Variants in WNK3 observed in about 807,000 individuals in gnomAD.
WNK3 encodes WNK lysine deficient protein kinase 3, also known as serine/threonine-protein kinase WNK3.
In WNK3, 18 loss-of-function variants were observed where a neutral mutation model predicts 116.7. The ratio of observed to expected loss-of-function variants is 0.15; its 90% CI spans 0.11 to 0.23. The LOEUF (loss-of-function observed/expected upper bound fraction) is 0.23, where lower values mean the gene tolerates loss of function less well. Among genes scored for constraint, WNK3 ranks in the 10% least tolerant of loss-of-function variants. The probability of loss-of-function intolerance (pLI) is 1.00; values close to 1 mark genes in which losing one functional copy is unlikely to be tolerated. For missense variants in WNK3, 993 were observed against 1,323.8 expected (o/e 0.75, Z 3.88); for synonymous variants, 404 against 469.4 (o/e 0.86, Z 1.80).
At chrX:54,313,573 C>T (rs2068912968) in intron 2 of WNK3, among the ~76,000 whole-genome samples, 1 of 110,207 alleles carries the variant, frequency 9.1e-6, no homozygotes, top group African/African-American at 3.3e-5. Flanking sequence ...TGATCTTGAA[C>T]TCCTGACCTC....
At chrX:54,332,333 G>T (rs2069178991) in intron 2 of WNK3, among the ~76,000 whole-genome samples, 1 of 111,714 alleles carries the variant, frequency 9.0e-6, no homozygotes. Context: ...GGCATCATGA[G>T]CTTCTATCAG....
At chrX:54,355,026 G>GT (rs2069574696) in intron 1 of WNK3, among the ~76,000 whole-genome samples, 1 of 111,346 alleles carries the variant, frequency 9.0e-6, no homozygotes, top group Non-Finnish European at 1.9e-5. Flanking sequence ...GGAGGTTGCA[G>GT]TAAGCCAAGA....
chrX:54,350,820 T>C (rs1313858521), intron 1 of WNK3, among the ~76,000 whole-genome samples: 1 of 111,508 alleles, frequency 9.0e-6, no homozygotes. Context: ...AATATCCATC[T>C]ATAGGAGAAT....
At chrX:54,253,245 G>A (rs2068155117) in intron 13 of WNK3, among the ~76,000 whole-genome samples, 1 of 109,109 alleles carries the variant, frequency 9.2e-6, no homozygotes, top group Non-Finnish European at 1.9e-5. Context: ...TTCAAAGCCT[G>A]TTATAAAAAA....
chrX:54,337,573 T>TAAATAAAC (rs2069257701), intron 1 of WNK3, among the ~76,000 whole-genome samples: 3 of 99,690 alleles, frequency 3.0e-5, no homozygotes, highest in Non-Finnish European at 6.0e-5. Context: ...AATAAATAAA[T>TAAATAAAC]AAATAAATAA....
chrX:54,272,213 C>A (rs1407277136), intron 10 of WNK3, among the ~76,000 whole-genome samples: 1 of 111,964 alleles, frequency 8.9e-6, no homozygotes, highest in Non-Finnish European at 1.9e-5. Flanking sequence ...GAATTAACTA[C>A]TTTATAGAGG....
intron 10 of WNK3, among the ~76,000 whole-genome samples, chrX:54,266,439 A>C (rs2068311442): frequency 8.9e-6 from 1 of 111,732 alleles, no homozygotes; most frequent in Admixed American, 9.6e-5. Context: ...AATAATTAAG[A>C]GTATAATTAG....
chrX:54,281,685 G>A (rs781829792), intron 10 of WNK3, among the ~76,000 whole-genome samples: 2 of 111,362 alleles, frequency 1.8e-5, no homozygotes, highest in South Asian at 7.6e-4. Context: ...GTATCTTTCT[G>A]TATCTGGCTT....
chrX:54,295,616 A>G (rs138690927), intron 7 of WNK3, among the ~76,000 whole-genome samples: 128 of 112,083 alleles, frequency 1.1e-3, no homozygotes, highest in African/African-American at 3.8e-3. Context: ...AGCTGCTGTA[A>G]AAGTCTTAAG....
In WNK3 at chrX:54,316,696, A is replaced by T. The variant is rs140300990; in HGVS notation, c.538-5405T>A. Among the ~76,000 whole-genome samples the T allele has an allele frequency of 4.9e-3, 540 of 110,763 alleles. 2 individuals are homozygous for T. The highest frequency in any genetic ancestry group is 0.017 in the African/African-American group (504 of 30,519). ...ACTTTGAGAAAAGATGCTCAACATC[A>T]TTAGTTGTCAGGGCAATGCAAATCA... On this transcript the variant is annotated intron_variant, in intron 2 of 23. Coordinates refer to ENST00000354646, the Ensembl canonical transcript of WNK3.
At chrX:54,310,760 G>A (rs2068878631) in intron 3 of WNK3, among the ~76,000 whole-genome samples, 1 of 108,338 alleles carries the variant, frequency 9.2e-6, no homozygotes. Context: ...GACAGGATCT[G>A]GCTTTGTCAA....
intron 20 of WNK3, 79 bp from the exon 21 acceptor site, chrX:54,233,099 A>G: frequency 1.3e-6 from 1 of 788,696 alleles, no homozygotes; most frequent in African/African-American, 2.1e-5. Context: ...AACCAGTATA[A>G]GTAAAGTTTA....
intron 10 of WNK3, among the ~76,000 whole-genome samples, chrX:54,275,270 C>T (rs782076571): frequency 9.2e-6 from 1 of 108,395 alleles, no homozygotes; most frequent in East Asian, 2.9e-4. Context: ...GAGCTGAGAT[C>T]GCACCATTGC....
intron 17 of WNK3, among the ~76,000 whole-genome samples, chrX:54,244,744 A>G (rs975867371): frequency 2.7e-5 from 3 of 111,717 alleles, no homozygotes; most frequent in African/African-American, 6.5e-5. Context: ...AGATGAATAC[A>G]TAATTGATTA....
chrX:54,249,611 C>T lies in WNK3; in HGVS notation c.2737G>A (p.Glu913Lys), dbSNP rs781964103. The T allele has an allele frequency of 3.3e-6, 4 of 1,206,705 alleles. No individual in the cohort carries two copies. In the South Asian group the frequency reaches 7.1e-5, roughly 21 times the overall value. Residue 913 changes from glutamate (E) to lysine (K), a missense_variant, in exon 17 of 24, where the codon GAA becomes AAA. By Grantham distance (56) the Glu-to-Lys change is moderately conservative (BLOSUM62 1). This residue lies in a region of WNK3 where 836 missense variants were observed against 976.5 expected (regional missense o/e 0.86). Transcript: ENST00000354646. Reference sequence around the variant, plus strand: ...GTGAGCAATGTGTCCCGTGATATTTCCTTATTACTTGTGTTTTTTGGACCT... The same window carrying T: ...GTGAGCAATGTGTCCCGTGATATTTTCTTATTACTTGTGTTTTTTGGACCT...
At chrX:54,280,193 A>AG (rs2068498951) in intron 10 of WNK3, among the ~76,000 whole-genome samples, 1 of 110,313 alleles carries the variant, frequency 9.1e-6, no homozygotes, top group Non-Finnish European at 1.9e-5. Context: ...GCTACTCGGG[A>AG]GGCTGAGAAA....
At chrX:54,226,894 T>C (rs1569535985) in intron 22 of WNK3, among the ~76,000 whole-genome samples, 1 of 111,615 alleles carries the variant, frequency 9.0e-6, no homozygotes, top group East Asian at 2.8e-4. Flanking sequence ...TAAATCTTCA[T>C]GACCTTAAGT....
intron 2 of WNK3, among the ~76,000 whole-genome samples, chrX:54,316,186 G>A (rs933946126): frequency 3.6e-5 from 4 of 110,758 alleles, no homozygotes; most frequent in Admixed American, 2.9e-4. Context: ...ATTTGGAGAC[G>A]GGACCTTTAT....
intron 5 of WNK3, among the ~76,000 whole-genome samples, chrX:54,303,811 G>A (rs1603394001): frequency 9.0e-6 from 1 of 111,138 alleles, no homozygotes; most frequent in South Asian, 3.8e-4. Flanking sequence ...TTCTACCTAT[G>A]GAAAAAGCCC....
Sources: allele counts gnomAD v4.1 joint callset (sites outside exome capture counted in the v4.1 genomes callset), GRCh38; gene constraint gnomAD v4.1.1; regional missense constraint gnomAD v4.1.1; transcripts MANE v1.5; gene names NCBI Gene and HGNC (gene_info 2026-07-23, HGNC 2026-07-21).